TENM4: variants seen among roughly 807,000 people sequenced by gnomAD.
TENM4 encodes teneurin-4.
In TENM4, 82 loss-of-function variants were observed where a neutral mutation model predicts 243.3. That is an observed-to-expected ratio of 0.34 (90% confidence interval 0.28 to 0.40). The LOEUF (loss-of-function observed/expected upper bound fraction) is 0.40, where lower values mean the gene tolerates loss of function less well. Among genes scored for constraint, TENM4 ranks in the 10% least tolerant of loss-of-function variants. The probability of loss-of-function intolerance (pLI) is 1.00; values close to 1 mark genes in which losing one functional copy is unlikely to be tolerated. For synonymous variants in TENM4, 1,412 were observed against 1,456.3 expected, an observed-to-expected ratio of 0.97 and a Z score of 0.69; for missense variants, 3,138 against 3,673.3, an observed-to-expected ratio of 0.85 and a Z score of 3.77.
chr11:79,314,506 C>T (rs1365932906), intron 1 of TENM4, among the ~76,000 whole-genome samples: 5 of 152,152 alleles, frequency 3.3e-5, no homozygotes, highest in East Asian at 1.9e-4. Context: ...CTGGATCTAG[C>T]GCAGACCCCA....
At chr11:78,712,747 A>G in intron 25 of TENM4, 33 bp from the exon 26 acceptor site, 2 of 1,595,120 alleles carry the variant, frequency 1.3e-6, no homozygotes, top group East Asian at 2.2e-5. Flanking sequence ...ACTGGTGAGC[A>G]TTTTCTTCTT....
intron 6 of TENM4, chr11:78,924,836 A>G (rs1270200675): frequency 1.3e-5 from 2 of 152,218 alleles, no homozygotes; most frequent in Non-Finnish European, 2.9e-5. Flanking sequence ...GAATTTAAAG[A>G]ATTTGACAAG....
At chr11:78,896,470 C>T (rs898929145) in intron 7 of TENM4, among the ~76,000 whole-genome samples, 3 of 152,190 alleles carry the variant, frequency 2.0e-5, no homozygotes, top group Non-Finnish European at 4.4e-5. Context: ...GCTATTCACC[C>T]TCATGTCTAC....
rs528773423 is a variant in TENM4, at chr11:78,866,894, T to G, written c.1085-3762A>C. ...AAATGGCTACCTGGAAAGTAAGGAG[T>G]AGGATGAAGCAGAGATTCAGAGACA... On this transcript the variant is annotated intron_variant, in intron 9 of 33. Coordinates refer to ENST00000278550, the MANE Select transcript of TENM4 (RefSeq NM_001098816.3). 3.3e-5 allele frequency among the ~76,000 whole-genome samples: 5 copies of G among 151,734 alleles called. No individual in the cohort carries two copies. In the South Asian group the frequency reaches 8.3e-4, roughly 25 times the overall value.
At chr11:79,207,472 C>G (rs1429074310) in intron 3 of TENM4, among the ~76,000 whole-genome samples, 1 of 152,156 alleles carries the variant, frequency 6.6e-6, no homozygotes, top group Non-Finnish European at 1.5e-5. Flanking sequence ...GGCTAGGTAA[C>G]TTGCTTTAGG....
intron 12 of TENM4, among the ~76,000 whole-genome samples, chr11:78,828,287 T>A (rs1857902238): frequency 6.6e-6 from 1 of 152,212 alleles, no homozygotes; most frequent in African/African-American, 2.4e-5. Flanking sequence ...TAGCTAGACA[T>A]GGTACTGGCC....
At chr11:78,687,425 G>C (rs1328807204) in intron 29 of TENM4, among the ~76,000 whole-genome samples, 14 of 152,162 alleles carry the variant, frequency 9.2e-5, no homozygotes, top group Non-Finnish European at 1.8e-4. Context: ...GCTTTCCCTG[G>C]TGATGGCTTC....
chr11:79,280,266 C>T (rs985879482), intron 2 of TENM4, among the ~76,000 whole-genome samples: 1 of 152,202 alleles, frequency 6.6e-6, no homozygotes, highest in Non-Finnish European at 1.5e-5. Context: ...TCAGAGTTCA[C>T]TGCAGCCTCC....
chr11:79,112,592 G>T (rs547432702), intron 4 of TENM4, among the ~76,000 whole-genome samples: 5 of 152,090 alleles, frequency 3.3e-5, no homozygotes, highest in Non-Finnish European at 7.4e-5. Flanking sequence ...GCTGTGGTGC[G>T]GTAGAGACCC....
chr11:79,400,145 A>ACACACACACC (rs1333144765), intron 1 of TENM4, among the ~76,000 whole-genome samples: 2 of 130,602 alleles, frequency 1.5e-5, no homozygotes, highest in Admixed American at 7.7e-5. Context: ...ACACACACAC[A>ACACACACACC]CCCTCCAGGA....
chr11:78,982,349 G>C (rs1197006504), intron 6 of TENM4, among the ~76,000 whole-genome samples: 1 of 152,152 alleles, frequency 6.6e-6, no homozygotes, highest in African/African-American at 2.4e-5. Flanking sequence ...ACTCGCGGCT[G>C]TGGCCTCCTC....
chr11:79,248,292 G>A (rs978832027), intron 2 of TENM4, among the ~76,000 whole-genome samples: 6 of 152,224 alleles, frequency 3.9e-5, no homozygotes, highest in Admixed American at 3.9e-4. Context: ...TCAGGAGTTA[G>A]AAAAGAGGTC....
At chr11:79,033,127 A>C (rs565723519) in intron 6 of TENM4, among the ~76,000 whole-genome samples, 2 of 152,008 alleles carry the variant, frequency 1.3e-5, no homozygotes, top group African/African-American at 2.4e-5. Context: ...CCACTTGATG[A>C]CCTACTAGAT....
intron 9 of TENM4, among the ~76,000 whole-genome samples, chr11:78,871,698 T>A (rs897694155): frequency 6.6e-6 from 1 of 152,132 alleles, no homozygotes; most frequent in Non-Finnish European, 1.5e-5. Flanking sequence ...AGGCGCTGCT[T>A]CCCAGGTGAA....
chr11:78,797,343 T>A lies in TENM4; in HGVS notation c.2179+7949A>T, dbSNP rs375944668. ...TATAAAATTTCCATTGAAAGAACAG[T>A]TTTTTTTTAAGATTACAAGTTATAA... On this transcript the variant is annotated intron_variant, in intron 15 of 33. Coordinates refer to ENST00000278550, the MANE Select transcript of TENM4 (RefSeq NM_001098816.3). Among the ~76,000 whole-genome samples the A allele has an allele frequency of 8.5e-4, 129 of 151,516 alleles. 5 individuals are homozygous for A. The highest frequency in any genetic ancestry group is 3.0e-3 in the African/African-American group (123 of 41,252).
At chr11:79,224,344 C>T (rs977117528) in intron 2 of TENM4, among the ~76,000 whole-genome samples, 32 of 152,090 alleles carry the variant, frequency 2.1e-4, no homozygotes, top group African/African-American at 7.2e-4. Flanking sequence ...CGGTTTCTTC[C>T]CTTGAGGAGA....
intron 29 of TENM4, 38 bp downstream of exon 29, chr11:78,688,016 C>T: frequency 6.2e-7 from 1 of 1,606,386 alleles, no homozygotes; most frequent in Non-Finnish European, 8.5e-7. Context: ...TCTTCCCACC[C>T]CTCTGCCTCA....
intron 9 of TENM4, among the ~76,000 whole-genome samples, chr11:78,873,245 G>A (rs535674087): frequency 6.6e-6 from 1 of 152,070 alleles, no homozygotes; most frequent in Non-Finnish European, 1.5e-5. Context: ...CAGACCCTTG[G>A]TTTGGTTTAG....
chr11:79,147,054 A>T (rs1862407157), intron 4 of TENM4, among the ~76,000 whole-genome samples: 1 of 152,102 alleles, frequency 6.6e-6, no homozygotes, highest in Admixed American at 6.6e-5. Flanking sequence ...CGTATATGCT[A>T]TTTCACTCAG....
Sources: allele counts gnomAD v4.1 joint callset (sites outside exome capture counted in the v4.1 genomes callset), GRCh38; gene constraint gnomAD v4.1.1; transcripts MANE v1.5; gene names NCBI Gene and HGNC (gene_info 2026-07-23, HGNC 2026-07-21).